AGBL4: variants seen among roughly 807,000 people sequenced by gnomAD.
The protein encoded by AGBL4 is cytosolic carboxypeptidase 6.
A neutral mutation model predicts 66.4 loss-of-function variants in AGBL4; 58 were observed. The ratio of observed to expected loss-of-function variants is 0.87; its 90% confidence interval spans 0.71 to 1.09. The LOEUF (loss-of-function observed/expected upper bound fraction) is 1.09, where lower values mean the gene tolerates loss of function less well. Ranked by LOEUF, AGBL4 falls within the 50% of genes least tolerant of loss-of-function variation. The pLI is 0.00. For synonymous variants in AGBL4, 234 were observed against 222.9 expected (o/e 1.05, Z -0.44); for missense variants, 579 against 631.0 (o/e 0.92, Z 0.88).
intron 5 of AGBL4, among the ~76,000 whole-genome samples, chr1:48,877,972 TGAG>T (rs1649386317): frequency 6.6e-6 from 1 of 152,160 alleles, no homozygotes; most frequent in Non-Finnish European, 1.5e-5. Flanking sequence ...ATCTCTAAAA[TGAG>T]GACTAAATGG....
At chr1:49,872,337 A>G (rs1646857527) in intron 1 of AGBL4, among the ~76,000 whole-genome samples, 1 of 152,104 alleles carries the variant, frequency 6.6e-6, no homozygotes, top group Non-Finnish European at 1.5e-5. Context: ...ATTTTCTTTT[A>G]TAATAGGGCA....
At chr1:49,349,145 T>C (rs1645698395) in intron 3 of AGBL4, among the ~76,000 whole-genome samples, 1 of 152,196 alleles carries the variant, frequency 6.6e-6, no homozygotes, top group Admixed American at 6.5e-5. Context: ...AGAAAACTAT[T>C]GTGAAACTGT....
chr1:48,901,343 G>T (rs369384936), intron 5 of AGBL4, among the ~76,000 whole-genome samples: 8 of 152,176 alleles, frequency 5.3e-5, no homozygotes, highest in African/African-American at 1.9e-4. Context: ...ACTATCATAT[G>T]ATCCAGACAT....
chr1:49,323,686 G>A (rs1054966388), intron 3 of AGBL4, among the ~76,000 whole-genome samples: 1 of 151,016 alleles, frequency 6.6e-6, no homozygotes, highest in Non-Finnish European at 1.5e-5. Flanking sequence ...GGAGAATGGC[G>A]TGAATCCAGG....
At chr1:49,053,632 T>G (rs1644259279) in intron 4 of AGBL4, among the ~76,000 whole-genome samples, 2 of 152,184 alleles carry the variant, frequency 1.3e-5, no homozygotes, top group Non-Finnish European at 2.9e-5. Flanking sequence ...CTGAATGCTC[T>G]TGACACATTT....
intron 5 of AGBL4, among the ~76,000 whole-genome samples, chr1:48,951,219 A>T (rs990716090): frequency 2.6e-5 from 4 of 152,330 alleles, no homozygotes; most frequent in African/African-American, 9.6e-5. Context: ...CAGCAAAAGC[A>T]TCAGAAGGTA....
chr1:49,178,746 G>A (rs1646875882), intron 4 of AGBL4, among the ~76,000 whole-genome samples: 1 of 152,176 alleles, frequency 6.6e-6, no homozygotes. Context: ...GGTTGAGTGA[G>A]CTGAGCCTAT....
chr1:48,770,695 C>T (rs1249093804), intron 6 of AGBL4, among the ~76,000 whole-genome samples: 1 of 152,154 alleles, frequency 6.6e-6, no homozygotes, highest in Non-Finnish European at 1.5e-5. Context: ...TCTCAAGCTA[C>T]TCATCATTTT....
chr1:49,567,331 C>A (rs1571062685), intron 3 of AGBL4, among the ~76,000 whole-genome samples: 1 of 152,300 alleles, frequency 6.6e-6, no homozygotes, highest in Non-Finnish European at 1.5e-5. Context: ...CCGGCACTCC[C>A]CAGTGAGATG....
chr1:49,875,318 C>T (rs1309153969), intron 1 of AGBL4, among the ~76,000 whole-genome samples: 11 of 112,422 alleles, frequency 9.8e-5, no homozygotes, highest in Admixed American at 6.8e-4. Context: ...CCCCCCTCCA[C>T]ACCACAGTCC....
chr1:49,339,673 T>C (rs541259849), intron 3 of AGBL4, among the ~76,000 whole-genome samples: 2 of 152,372 alleles, frequency 1.3e-5, no homozygotes, highest in Admixed American at 1.3e-4. Context: ...CACTATGCTT[T>C]ACTCCTGTTG....
At chr1:49,821,378 T>C (rs1007509701) in intron 2 of AGBL4, among the ~76,000 whole-genome samples, 3 of 152,200 alleles carry the variant, frequency 2.0e-5, no homozygotes, top group South Asian at 2.1e-4. Context: ...AAAATTAAGA[T>C]GGCATCACTT....
chr1:48,643,022 A>C (rs995714336), intron 8 of AGBL4, among the ~76,000 whole-genome samples: 1 of 152,102 alleles, frequency 6.6e-6, no homozygotes, highest in Non-Finnish European at 1.5e-5. Context: ...AATTTTGTCT[A>C]CCTCAGAGGG....
intron 9 of AGBL4, among the ~76,000 whole-genome samples, chr1:48,614,855 G>A (rs1199534300): frequency 6.6e-6 from 1 of 152,184 alleles, no homozygotes; most frequent in Non-Finnish European, 1.5e-5. Flanking sequence ...ATAGATCTAG[G>A]TTGGATTCCC....
intron 4 of AGBL4, among the ~76,000 whole-genome samples, chr1:49,157,166 T>C (rs1459947494): frequency 2.0e-5 from 3 of 152,224 alleles, no homozygotes; most frequent in East Asian, 1.9e-4. Flanking sequence ...ACACGTGCCA[T>C]GGTGGTTTGC....
chr1:49,013,105 A>C (rs1292517399), intron 5 of AGBL4, among the ~76,000 whole-genome samples: 2 of 152,214 alleles, frequency 1.3e-5, no homozygotes, highest in Non-Finnish European at 1.5e-5. Context: ...CAAAACTGTA[A>C]GAAATGAATT....
At chr1:49,845,533 T>G in intron 2 of AGBL4, 1 of 1,588,886 alleles carries the variant, frequency 6.3e-7, no homozygotes, top group East Asian at 2.2e-5. Flanking sequence ...GATCCATAGC[T>G]AGTCCTTGAC....
intron 5 of AGBL4, among the ~76,000 whole-genome samples, chr1:48,930,732 TTG>T (rs2148902395): frequency 6.6e-6 from 1 of 152,320 alleles, no homozygotes; most frequent in African/African-American, 2.4e-5. Context: ...CATAAATATT[TTG>T]TCACTACCAT....
intron 4 of AGBL4, among the ~76,000 whole-genome samples, chr1:49,215,755 A>G (rs926838480): frequency 3.3e-5 from 5 of 151,956 alleles, no homozygotes; most frequent in Admixed American, 2.0e-4. Flanking sequence ...AAGCTTCATC[A>G]TCCCTTTCTT....
Sources: gnomAD v4.1 joint callset for allele counts (sites outside exome capture counted in the v4.1 genomes callset) on GRCh38, gnomAD v4.1.1 for gene constraint, MANE v1.5 for transcripts, NCBI Gene and HGNC (gene_info 2026-07-23, HGNC 2026-07-21) for gene names.